Variants in RSRC1 observed in about 807,000 individuals in gnomAD.
The protein encoded by RSRC1 is arginine and serine rich coiled-coil 1, also known as serine/Arginine-related protein 53.
In RSRC1, 39 loss-of-function variants were observed where a neutral mutation model predicts 49.1. The observed-to-expected ratio is 0.79, with a 90% CI of 0.61 to 1.04. The LOEUF (loss-of-function observed/expected upper bound fraction) is 1.04. Among genes scored for constraint, RSRC1 ranks in the 50% least tolerant of loss-of-function variants. RSRC1 has a pLI of 0.00. For missense variants in RSRC1, 388 were observed against 402.4 expected, an observed-to-expected ratio of 0.96 and a Z score of 0.31; for synonymous variants, 143 against 130.8, an observed-to-expected ratio of 1.09 and a Z score of -0.63.
At chr3:158,196,818 TGTTGAACCAG>T (rs1277060128) in intron 3 of RSRC1, among the ~76,000 whole-genome samples, 1 of 152,214 alleles carries the variant, frequency 6.6e-6, no homozygotes, top group African/African-American at 2.4e-5. Flanking sequence ...GATTTGTGTA[TGTTGAACCAG>T]ACTTGCATCC....
intron 7 of RSRC1, among the ~76,000 whole-genome samples, chr3:158,463,047 A>G (rs915578394): frequency 6.6e-6 from 1 of 152,064 alleles, no homozygotes; most frequent in African/African-American, 2.4e-5. Context: ...GAATAAATCA[A>G]TGACCAATTT....
chr3:158,422,428 G>A (rs1428907674), intron 6 of RSRC1, among the ~76,000 whole-genome samples: 8 of 151,590 alleles, frequency 5.3e-5, no homozygotes, highest in Non-Finnish European at 7.4e-5. Context: ...TGGCTGCATC[G>A]TATTCCATGG....
intron 3 of RSRC1, among the ~76,000 whole-genome samples, chr3:158,197,603 T>C (rs1473171718): frequency 6.6e-6 from 1 of 152,220 alleles, no homozygotes; most frequent in Non-Finnish European, 1.5e-5. Flanking sequence ...ATTTTAGATC[T>C]TTCCTGCTTT....
At chr3:158,452,964 C>G (rs945104013) in intron 6 of RSRC1, among the ~76,000 whole-genome samples, 3 of 152,158 alleles carry the variant, frequency 2.0e-5, no homozygotes, top group African/African-American at 7.2e-5. Context: ...TATATACATA[C>G]ACTTACGTAC....
chr3:158,176,710 C>G (rs186226485), intron 3 of RSRC1, among the ~76,000 whole-genome samples: 1 of 152,298 alleles, frequency 6.6e-6, no homozygotes, highest in East Asian at 1.9e-4. Context: ...AAAACCTAGG[C>G]AATACCATTC....
intron 1 of RSRC1, among the ~76,000 whole-genome samples, chr3:158,113,588 CCA>C (rs1559904492): frequency 6.6e-6 from 1 of 151,962 alleles, no homozygotes; most frequent in African/African-American, 2.4e-5. Flanking sequence ...AGGATGGTCT[CCA>C]TCTCCTGACC....
intron 5 of RSRC1, among the ~76,000 whole-genome samples, chr3:158,337,399 C>T (rs1729974804): frequency 6.6e-6 from 1 of 152,204 alleles, no homozygotes; most frequent in East Asian, 1.9e-4. Context: ...GACTAAGTAA[C>T]AGGACAGGGA....
intron 6 of RSRC1, among the ~76,000 whole-genome samples, chr3:158,410,758 T>C (rs1734420327): frequency 6.6e-6 from 1 of 152,078 alleles, no homozygotes; most frequent in African/African-American, 2.4e-5. Flanking sequence ...TAATATGAAC[T>C]ATAACTCAGA....
At chr3:158,270,341 C>T (rs898482676) in intron 4 of RSRC1, among the ~76,000 whole-genome samples, 5 of 151,866 alleles carry the variant, frequency 3.3e-5, no homozygotes, top group East Asian at 1.9e-4. Flanking sequence ...TCTTGGAACC[C>T]GACAAAAGGA....
intron 7 of RSRC1, among the ~76,000 whole-genome samples, chr3:158,504,623 C>T (rs1490098023): frequency 6.6e-6 from 1 of 152,154 alleles, no homozygotes; most frequent in East Asian, 1.9e-4. Context: ...TATCATTTAA[C>T]CTCACTGAAC....
intron 4 of RSRC1, among the ~76,000 whole-genome samples, chr3:158,247,293 T>C (rs1437129164): frequency 6.6e-6 from 1 of 152,206 alleles, no homozygotes; most frequent in Non-Finnish European, 1.5e-5. Context: ...TCTTAGCTTT[T>C]TTGCGTTCAT....
At chr3:158,212,822 A>C (rs1721758315) in intron 4 of RSRC1, among the ~76,000 whole-genome samples, 1 of 151,878 alleles carries the variant, frequency 6.6e-6, no homozygotes, top group Non-Finnish European at 1.5e-5. Context: ...GCTTATAATC[A>C]CTCATTACAG....
In RSRC1 at chr3:158,407,914, G is replaced by A. The variant is rs1436672143; in HGVS notation, c.583+53006G>A. On this transcript the variant is annotated intron_variant, in intron 6 of 9. Transcript: ENST00000611884. ...TTCTTGGGGGCCCAGTCTGAGAAAT[G>A]CAAGGATTAATGAAAAGAACCCAGA... Among the ~76,000 whole-genome samples the A allele has an allele frequency of 3.9e-5, 6 of 152,162 alleles. 1 individual carries two copies. The highest frequency in any genetic ancestry group is 1.4e-4 in the African/African-American group (6 of 41,448).
chr3:158,372,803 A>G (rs529827071), intron 6 of RSRC1, among the ~76,000 whole-genome samples: 44 of 152,026 alleles, frequency 2.9e-4, no homozygotes, highest in South Asian at 6.2e-4. Flanking sequence ...TTGGCATCTT[A>G]ACATATTAAG....
In RSRC1 at chr3:158,424,112, G is replaced by A. The variant is rs1444031694; in HGVS notation, c.584-36823G>A. ...TGGCCAGAACTTCCAACACTATGTT[G>A]AATAGGAGTAGGAGTGGTGAGAGAG... On this transcript the variant is annotated intron_variant, in intron 6 of 9. Transcript: ENST00000611884. Among the ~76,000 whole-genome samples the A allele has an allele frequency of 2.0e-5, 3 of 152,186 alleles. No individual in the cohort carries two copies. The East Asian group carries it at 5.8e-4, about 29-fold the overall frequency.
At chr3:158,535,017 G>T (rs1346054776) in intron 7 of RSRC1, among the ~76,000 whole-genome samples, 1 of 151,208 alleles carries the variant, frequency 6.6e-6, no homozygotes, top group Non-Finnish European at 1.5e-5. Context: ...TTTGACCTTA[G>T]AATCATGTAA....
At chr3:158,381,268 A>G (rs1373712569) in intron 6 of RSRC1, among the ~76,000 whole-genome samples, 1 of 152,034 alleles carries the variant, frequency 6.6e-6, no homozygotes, top group Admixed American at 6.5e-5. Flanking sequence ...ACTGTTATAC[A>G]TACTGTACTA....
chr3:158,246,310 A>G (rs1251651439), intron 4 of RSRC1, among the ~76,000 whole-genome samples: 1 of 151,958 alleles, frequency 6.6e-6, no homozygotes, highest in Non-Finnish European at 1.5e-5. Context: ...TGACGAGTTA[A>G]TGGGTGCAGC....
intron 7 of RSRC1, among the ~76,000 whole-genome samples, chr3:158,515,994 A>G (rs1560072547): frequency 6.6e-6 from 1 of 151,512 alleles, no homozygotes; most frequent in African/African-American, 2.4e-5. Context: ...CTAGTTATAC[A>G]TTCTTCTAAA....
Sources: gnomAD v4.1 joint callset for allele counts (sites outside exome capture counted in the v4.1 genomes callset) on GRCh38, gnomAD v4.1.1 for gene constraint, MANE v1.5 for transcripts, NCBI Gene and HGNC (gene_info 2026-07-23, HGNC 2026-07-21) for gene names.